Variants in DAAM1 observed in about 807,000 individuals in gnomAD.
DAAM1 encodes the protein dishevelled associated activator of morphogenesis 1, also known as disheveled-associated activator of morphogenesis 1.
Under a neutral mutation model 130.0 loss-of-function variants are expected in DAAM1, and 52 were observed. That is an observed-to-expected ratio of 0.40 (90% CI 0.32 to 0.50). The LOEUF (loss-of-function observed/expected upper bound fraction) is 0.50, where lower values mean the gene tolerates loss of function less well. Among genes scored for constraint, DAAM1 ranks in the 20% least tolerant of loss-of-function variants. The probability of loss-of-function intolerance (pLI) is 0.61; values close to 1 mark genes in which losing one functional copy is unlikely to be tolerated. For missense variants in DAAM1, 1,134 were observed against 1,303.8 expected (o/e 0.87, Z 2.01); for synonymous variants, 452 against 444.5 (o/e 1.02, Z -0.21).
At chr14:59,193,153 A>G (rs1417870453) in intron 1 of DAAM1, among the ~76,000 whole-genome samples, 1 of 152,248 alleles carries the variant, frequency 6.6e-6, no homozygotes, top group Non-Finnish European at 1.5e-5. Flanking sequence ...CATTTTCTCT[A>G]TTTCTGTATG....
intron 12 of DAAM1, among the ~76,000 whole-genome samples, chr14:59,329,700 C>A (rs1158149674): frequency 6.6e-6 from 1 of 152,154 alleles, no homozygotes; most frequent in African/African-American, 2.4e-5. Context: ...TTTCAGCAAG[C>A]TTGTATTCAT....
intron 1 of DAAM1, among the ~76,000 whole-genome samples, chr14:59,241,897 C>CT (rs1048801457): frequency 1.2e-4 from 18 of 151,918 alleles, no homozygotes; most frequent in African/African-American, 3.9e-4. Flanking sequence ...CTCTCTCTCT[C>CT]TTTTTTTTCC....
chr14:59,307,168 C>T (rs1815263113), intron 3 of DAAM1, among the ~76,000 whole-genome samples: 1 of 152,178 alleles, frequency 6.6e-6, no homozygotes, highest in Admixed American at 6.5e-5. Context: ...TAAGAGTCAT[C>T]TCTACTTTTG....
rs1887030498 is a variant in DAAM1 at position 59,368,893 on chromosome 14, T to C, written c.*34T>C. 1.9e-6 allele frequency: 3 copies of C among 1,598,648 alleles called. No homozygotes were observed. Among genetic ancestry groups the C allele is most frequent in the South Asian group, 2.2e-5 (2 of 89,552 alleles). On this transcript the variant is annotated 3_prime_UTR_variant, in exon 25 of 25. Coordinates refer to ENST00000360909, the MANE Select transcript of DAAM1 (RefSeq NM_001270520.2). ...GAATACTTTTTTTTAGAAAGCTCATTAGCAGCCCTCTAAAGTGACTAGAAC... is the reference window on the plus strand; with the variant it reads ...GAATACTTTTTTTTAGAAAGCTCATCAGCAGCCCTCTAAAGTGACTAGAAC...
chr14:59,250,680 A>G (rs1334501016), intron 1 of DAAM1, among the ~76,000 whole-genome samples: 1 of 151,748 alleles, frequency 6.6e-6, no homozygotes, highest in Non-Finnish European at 1.5e-5. Flanking sequence ...ACTTAGGTAC[A>G]TATGGAAATA....
intron 1 of DAAM1, among the ~76,000 whole-genome samples, chr14:59,226,531 G>A (rs376496773): frequency 6.6e-6 from 1 of 152,122 alleles, no homozygotes; most frequent in Non-Finnish European, 1.5e-5. Flanking sequence ...TTTCTAGCAG[G>A]ATTGGGGGTG....
Position 59,263,605 on chromosome 14 carries a change from C to T in DAAM1, c.128C>T (p.Pro43Leu), listed in dbSNP as rs532378217. Residue 43 changes from proline (P) to leucine (L), a missense_variant, in exon 2 of 25, where the codon CCA becomes CTA. Transcript: ENST00000360909. ...AACTTTGCGCTTCAGACCATGGAAC[C>T]AGCATTGCCCATGCCCCCTGTGGAG... ...DSNFALQTMEPALPMPPVEEL... is the reference protein window; with the variant it reads ...DSNFALQTMELALPMPPVEEL... 5 of 1,614,198 alleles carry T rather than the reference C, an allele frequency of 3.1e-6. No homozygotes were observed. Among genetic ancestry groups the T allele is most frequent in the Non-Finnish European group, 4.2e-6 (5 of 1,180,034 alleles).
At chr14:59,316,224 T>C (rs1003714962) in intron 4 of DAAM1, among the ~76,000 whole-genome samples, 3 of 152,210 alleles carry the variant, frequency 2.0e-5, no homozygotes, top group Admixed American at 1.3e-4. Context: ...TGATAGCTTC[T>C]AGAATACTTT....
rs200497376 is a variant in DAAM1 at position 59,269,762 on chromosome 14, C to G, written c.183+6102C>G. Among the ~76,000 whole-genome samples the G allele has an allele frequency of 2.6e-5, 4 of 152,116 alleles. No homozygotes were observed. In the East Asian group the frequency reaches 7.8e-4, roughly 29 times the overall value. Reference sequence around the variant, plus strand: ...GCATGAAAAACAAGAAGGAATCATCCAGGCACAAAGGAAAGAAAAGAGTGT... The same window carrying G: ...GCATGAAAAACAAGAAGGAATCATCGAGGCACAAAGGAAAGAAAAGAGTGT... On this transcript the variant is annotated intron_variant, in intron 2 of 24. Coordinates refer to ENST00000360909, the MANE Select transcript of DAAM1 (RefSeq NM_001270520.2).
At chr14:59,247,138 C>T (rs975361885) in intron 1 of DAAM1, among the ~76,000 whole-genome samples, 5 of 152,092 alleles carry the variant, frequency 3.3e-5, no homozygotes, top group Admixed American at 2.0e-4. Flanking sequence ...CACCATTTGT[C>T]GAAGAGACCC....
At chr14:59,264,082 T>A in intron 2 of DAAM1, 1 of 204,086 alleles carries the variant, frequency 4.9e-6, no homozygotes, top group Non-Finnish European at 1.0e-5. Context: ...AACGTATTTT[T>A]AAAAAATTAG....
chr14:59,362,686 G>C (rs60795649), intron 22 of DAAM1: 3 of 151,960 alleles, frequency 2.0e-5, no homozygotes, highest in Admixed American at 6.5e-5. Context: ...AACATGCCAT[G>C]GTTAAGAACC....
chr14:59,323,900 T>TG (rs1167515154), intron 6 of DAAM1, among the ~76,000 whole-genome samples: 7 of 151,782 alleles, frequency 4.6e-5, no homozygotes, highest in Admixed American at 4.6e-4. Context: ...GGTGTGATGG[T>TG]GGGCGCCTGT....
intron 3 of DAAM1, among the ~76,000 whole-genome samples, chr14:59,306,522 T>A (rs748538970): frequency 2.6e-5 from 4 of 152,212 alleles, no homozygotes; most frequent in Non-Finnish European, 5.9e-5. Context: ...AGTTTGGCTG[T>A]CTACACAAGT....
intron 13 of DAAM1, 45 bp downstream of exon 13, chr14:59,330,733 T>C: frequency 6.5e-7 from 1 of 1,548,890 alleles, no homozygotes; most frequent in South Asian, 1.3e-5. Context: ...AAGGCCTCAC[T>C]GACCCTAGAG....
chr14:59,231,422 G>A (rs1889103252), intron 1 of DAAM1, among the ~76,000 whole-genome samples: 1 of 152,184 alleles, frequency 6.6e-6, no homozygotes, highest in African/African-American at 2.4e-5. Context: ...GTAGGGAGTA[G>A]TGGGGACCAT....
At chr14:59,287,792 A>G (rs1883527477) in intron 2 of DAAM1, among the ~76,000 whole-genome samples, 2 of 152,196 alleles carry the variant, frequency 1.3e-5, no homozygotes, top group Non-Finnish European at 2.9e-5. Context: ...AAATGGAAAA[A>G]CATTCCCTGC....
At chr14:59,327,933 A>T (rs1885275172) in intron 12 of DAAM1, among the ~76,000 whole-genome samples, 1 of 152,238 alleles carries the variant, frequency 6.6e-6, no homozygotes, top group African/African-American at 2.4e-5. Flanking sequence ...AGAGAAATGT[A>T]TGTAATTTTC....
At chr14:59,325,766 C>G in intron 9 of DAAM1, 36 bp downstream of exon 9, 4 of 1,607,442 alleles carry the variant, frequency 2.5e-6, no homozygotes, top group Non-Finnish European at 3.4e-6. Context: ...TTTGATTCAT[C>G]AGTTCACATT....
Sources: gnomAD v4.1 joint callset for allele counts (sites outside exome capture counted in the v4.1 genomes callset) on GRCh38, gnomAD v4.1.1 for gene constraint, MANE v1.5 for transcripts, NCBI Gene and HGNC (gene_info 2026-07-23, HGNC 2026-07-21) for gene names.